METAP1D: variants seen among roughly 807,000 people sequenced by gnomAD.
METAP1D encodes the protein methionine aminopeptidase 1D, mitochondrial.
Under a neutral mutation model 40.5 loss-of-function variants are expected in METAP1D, and 31 were observed. That is an observed-to-expected ratio of 0.77 (90% CI 0.58 to 1.03). The LOEUF (loss-of-function observed/expected upper bound fraction) is 1.03, where lower values mean the gene tolerates loss of function less well. METAP1D is among the 50% of genes least tolerant of loss of function. The pLI is 0.00. For missense variants in METAP1D, 411 were observed against 420.7 expected (o/e 0.98, Z 0.20); for synonymous variants, 151 against 146.4 (o/e 1.03, Z -0.22).
At chr2:172,046,012 C>A in intron 1 of METAP1D, among the ~76,000 whole-genome samples, 1 of 144,566 alleles carries the variant, frequency 6.9e-6, no homozygotes. Flanking sequence ...TTTCTGGAAT[C>A]AAAAAAGTTT....
chr2:172,024,766 G>GTA (rs1323677243), intron 1 of METAP1D, among the ~76,000 whole-genome samples: 22 of 150,586 alleles, frequency 1.5e-4, no homozygotes, highest in South Asian at 1.3e-3. Context: ...GTGTGTGTGT[G>GTA]TGTGTGTGTG....
chr2:172,071,194 T>C (rs1365925378), intron 6 of METAP1D, 124 bp downstream of exon 6: 2 of 774,758 alleles, frequency 2.6e-6, no homozygotes, highest in East Asian at 6.9e-5. Flanking sequence ...GATATCAGTA[T>C]GTGAACTGCC....
At chr2:172,066,338 T>C (rs1240634660) in intron 5 of METAP1D, 32 bp downstream of exon 5, 1 of 1,567,746 alleles carries the variant, frequency 6.4e-7, no homozygotes, top group Non-Finnish European at 8.8e-7. Context: ...TTGTCTTTGA[T>C]CAACTTCAGA....
chr2:172,035,336 T>C (rs901772122), intron 1 of METAP1D, among the ~76,000 whole-genome samples: 7 of 152,038 alleles, frequency 4.6e-5, no homozygotes, highest in African/African-American at 1.7e-4. Context: ...GGCTAACTTT[T>C]TGTATTTTTA....
chr2:172,019,259 G>A (rs552646380), intron 1 of METAP1D, among the ~76,000 whole-genome samples: 2 of 152,044 alleles, frequency 1.3e-5, no homozygotes, highest in South Asian at 4.2e-4. Flanking sequence ...GTGTGAGATA[G>A]GAGGATCACT....
At position 172,071,068 on chromosome 2, in the gene METAP1D, C is replaced by T; in HGVS notation, c.702C>T (p.Ile234=). Residue 234 remains isoleucine (I), a splice_region_variant and synonymous_variant, in exon 6 of 10, where the codon ATC becomes ATT. Coordinates refer to ENST00000315796, the MANE Select transcript of METAP1D (RefSeq NM_199227.3). ...CCTTCTCTGTAATTGGAAACACAAT[C>T]AGGTAAGCCTTACATTGACAAGTAA... ...GAPFSVIGNT[I]SHITHQNGFQ... The T allele has an allele frequency of 6.2e-7, 1 of 1,607,358 alleles. No homozygotes were observed.
intron 1 of METAP1D, among the ~76,000 whole-genome samples, chr2:172,055,522 C>T (rs1689983330): frequency 6.6e-6 from 1 of 152,148 alleles, no homozygotes; most frequent in Admixed American, 6.6e-5. Context: ...AGGGCCCGCC[C>T]CTCTTTCTTT....
intron 6 of METAP1D, among the ~76,000 whole-genome samples, chr2:172,071,427 T>G (rs1392135133): frequency 6.6e-6 from 1 of 152,176 alleles, no homozygotes; most frequent in Non-Finnish European, 1.5e-5. Context: ...CTGGGGTTTT[T>G]AATAAGACAG....
At position 172,070,966 on chromosome 2, in the gene METAP1D, C is replaced by T. The variant is rs141151121; in HGVS notation, c.600C>T (p.Asp200=). Reference sequence around the variant, plus strand: ...AAACATTTTTGGTGGGCAATGTGGACGAATGTGGTAAAAAGTTAGTGGAGG... The same window carrying T: ...AAACATTTTTGGTGGGCAATGTGGATGAATGTGGTAAAAAGTTAGTGGAGG... ...TSETFLVGNV[D]ECGKKLVEVA... The change falls in exon 6 of 10, where the codon GAC becomes GAT. Residue 200 remains aspartate (D), a synonymous_variant. Transcript: ENST00000315796. The T allele has an allele frequency of 1.4e-5, 23 of 1,612,444 alleles. No individual in the cohort carries two copies. The highest frequency in any genetic ancestry group is 2.7e-5 in the African/African-American group (2 of 74,766).
At chr2:172,046,105 G>A (rs1008236361) in intron 1 of METAP1D, among the ~76,000 whole-genome samples, 9 of 138,338 alleles carry the variant, frequency 6.5e-5, no homozygotes, top group Non-Finnish European at 1.2e-4. Context: ...TGTTTACTTC[G>A]ATTCTGAAAA....
intron 7 of METAP1D, 71 bp downstream of exon 7, chr2:172,077,965 T>C (rs567509162): frequency 1.2e-6 from 1 of 839,600 alleles, no homozygotes; most frequent in East Asian, 2.6e-5. Flanking sequence ...CCTGAAGCTC[T>C]TCCTCTGACT....
intron 4 of METAP1D, 94 bp from the exon 5 acceptor site, chr2:172,066,170 A>AT: frequency 4.2e-6 from 4 of 960,924 alleles, no homozygotes. Flanking sequence ...ACTGCATCCC[A>AT]TTGGGTTTGT....
chr2:172,002,503 G>A lies in METAP1D; in HGVS notation c.40+2494G>A, dbSNP rs140996590. 2.5e-3 allele frequency among the ~76,000 whole-genome samples: 385 copies of A among 152,116 alleles called. 2 individuals are homozygous for A. Among genetic ancestry groups the A allele is most frequent in the African/African-American group, 9.0e-3 (374 of 41,494 alleles). Reference sequence around the variant, plus strand: ...AGAAAATATATTATATGGAAGTCAGGCCAAGTTATTGGTTCCTATAATCCA... The same window carrying A: ...AGAAAATATATTATATGGAAGTCAGACCAAGTTATTGGTTCCTATAATCCA... On this transcript the variant is annotated intron_variant, in intron 1 of 9. Transcript: ENST00000315796.
At chr2:172,048,555 G>A (rs529031872) in intron 1 of METAP1D, among the ~76,000 whole-genome samples, 81 of 152,270 alleles carry the variant, frequency 5.3e-4, no homozygotes, top group African/African-American at 1.9e-3. Context: ...AATATAAATA[G>A]GAAGGCATAT....
At chr2:172,005,113 A>G (rs1245337671) in intron 1 of METAP1D, among the ~76,000 whole-genome samples, 1 of 151,828 alleles carries the variant, frequency 6.6e-6, no homozygotes. Flanking sequence ...ACAGGTTATC[A>G]TCATGCTGCC....
chr2:172,015,270 G>A (rs1484643332), intron 1 of METAP1D, among the ~76,000 whole-genome samples: 2 of 152,140 alleles, frequency 1.3e-5, no homozygotes, highest in Non-Finnish European at 2.9e-5. Context: ...AAATTAGCCA[G>A]GCATGGTGGC....
At chr2:172,058,978 A>G (rs1202352760) in intron 1 of METAP1D, among the ~76,000 whole-genome samples, 1 of 152,184 alleles carries the variant, frequency 6.6e-6, no homozygotes, top group Non-Finnish European at 1.5e-5. Flanking sequence ...CCAGTTCTCA[A>G]GCTTCGTGTG....
intron 8 of METAP1D, 41 bp downstream of exon 8, chr2:172,079,303 G>T (rs760011603): frequency 4.8e-5 from 77 of 1,608,240 alleles, no homozygotes; most frequent in Middle Eastern, 3.3e-4. Context: ...GTAGCTCCTG[G>T]TGGAAGCTTT....
chr2:172,052,652 C>G (rs1345653516), intron 1 of METAP1D, among the ~76,000 whole-genome samples: 1 of 152,198 alleles, frequency 6.6e-6, no homozygotes, highest in Non-Finnish European at 1.5e-5. Context: ...CTAGAATAGT[C>G]TGTAACTGAA....
Sources: gnomAD v4.1 joint callset for allele counts (sites outside exome capture counted in the v4.1 genomes callset) on GRCh38, gnomAD v4.1.1 for gene constraint, MANE v1.5 for transcripts, NCBI Gene and HGNC (gene_info 2026-07-23, HGNC 2026-07-21) for gene names.